NCKAP5: variants seen among roughly 807,000 people sequenced by gnomAD.
NCKAP5 encodes nck-associated protein 5.
A neutral mutation model predicts 167.0 loss-of-function variants in NCKAP5; 92 were observed. The observed-to-expected ratio is 0.55, with a 90% confidence interval of 0.47 to 0.66. The LOEUF is 0.66. Among genes scored for constraint, NCKAP5 ranks in the 30% least tolerant of loss-of-function variants. NCKAP5 has a pLI of 0.00. For synonymous variants in NCKAP5, 891 were observed against 877.4 expected (o/e 1.02, Z -0.27); for missense variants, 2,378 against 2,315.0 (o/e 1.03, Z -0.56).
chr2:133,146,893 A>T (rs999383159), intron 5 of NCKAP5, among the ~76,000 whole-genome samples: 1 of 152,156 alleles, frequency 6.6e-6, no homozygotes, highest in South Asian at 2.1e-4. Context: ...AAAAGAACTC[A>T]AGAAACAATT....
At chr2:133,428,451 C>A (rs1689950278) in intron 3 of NCKAP5, among the ~76,000 whole-genome samples, 1 of 152,052 alleles carries the variant, frequency 6.6e-6, no homozygotes, top group South Asian at 2.1e-4. Context: ...CATTAGAACC[C>A]TATTTTACAC....
chr2:133,560,105 A>G (rs1442615901), intron 1 of NCKAP5, among the ~76,000 whole-genome samples: 2 of 152,250 alleles, frequency 1.3e-5, no homozygotes, highest in African/African-American at 2.4e-5. Context: ...AGTTAGGTAT[A>G]AAACCCAATG....
chr2:133,272,620 T>C (rs371446134), intron 4 of NCKAP5, among the ~76,000 whole-genome samples: 2 of 152,154 alleles, frequency 1.3e-5, no homozygotes, highest in Non-Finnish European at 2.9e-5. Flanking sequence ...TTTACCCAAG[T>C]TGAATTTGTT....
intron 19 of NCKAP5, among the ~76,000 whole-genome samples, chr2:132,710,780 T>C (rs1688762002): frequency 6.6e-6 from 1 of 152,204 alleles, no homozygotes; most frequent in Non-Finnish European, 1.5e-5. Flanking sequence ...CCAACTGGTA[T>C]TATACTGAAT....
chr2:133,399,412 G>T (rs886521268), intron 3 of NCKAP5, among the ~76,000 whole-genome samples: 3 of 151,792 alleles, frequency 2.0e-5, no homozygotes. Flanking sequence ...ACATAAAACA[G>T]CTGTCATTAT....
rs138316939 is a variant in NCKAP5, at chr2:133,216,428, G to A, written c.144-2649C>T. On this transcript the variant is annotated intron_variant, in intron 4 of 19. Coordinates refer to ENST00000409261, the MANE Select transcript of NCKAP5 (RefSeq NM_207363.3). ...ACCAAAATAAATTACCTATGTGTTCGTAAGTATTGAGAAGAGATGTAGAGT... is the reference window on the plus strand; with the variant it reads ...ACCAAAATAAATTACCTATGTGTTCATAAGTATTGAGAAGAGATGTAGAGT... Among the ~76,000 whole-genome samples, 626 of 152,168 alleles carry A rather than the reference G, an allele frequency of 4.1e-3. 1 individual carries two copies. The highest frequency in any genetic ancestry group is 0.014 in the African/African-American group (591 of 41,542).
At chr2:133,431,979 T>A (rs1236940199) in intron 3 of NCKAP5, among the ~76,000 whole-genome samples, 28 of 152,170 alleles carry the variant, frequency 1.8e-4, no homozygotes, top group Admixed American at 1.8e-3. Context: ...AATAAATTTG[T>A]TTCTCTCTGA....
chr2:132,964,816 C>T (rs2076613840), intron 7 of NCKAP5, among the ~76,000 whole-genome samples: 2 of 151,736 alleles, frequency 1.3e-5, no homozygotes, highest in African/African-American at 4.8e-5. Context: ...TTTGCAAATA[C>T]AGAAGCACAA....
At chr2:133,236,207 A>G (rs1424373368) in intron 4 of NCKAP5, among the ~76,000 whole-genome samples, 1 of 152,074 alleles carries the variant, frequency 6.6e-6, no homozygotes, top group Non-Finnish European at 1.5e-5. Context: ...AATACATATT[A>G]AAAAGGAGTC....
intron 3 of NCKAP5, among the ~76,000 whole-genome samples, chr2:133,415,339 G>A (rs371004871): frequency 2.0e-5 from 3 of 152,244 alleles, no homozygotes; most frequent in Non-Finnish European, 4.4e-5. Flanking sequence ...CTACTGTATT[G>A]AAAGTAATGG....
chr2:132,732,400 G>A (rs936465285), intron 16 of NCKAP5, among the ~76,000 whole-genome samples: 5 of 152,044 alleles, frequency 3.3e-5, no homozygotes, highest in Non-Finnish European at 4.4e-5. Flanking sequence ...AAACCTGCAC[G>A]TTGTGCACAT....
At chr2:133,280,174 T>C (rs1559346924) in intron 4 of NCKAP5, among the ~76,000 whole-genome samples, 1 of 152,144 alleles carries the variant, frequency 6.6e-6, no homozygotes, top group East Asian at 1.9e-4. Context: ...AGTAATAACC[T>C]AAGTACAAAC....
intron 4 of NCKAP5, among the ~76,000 whole-genome samples, chr2:133,246,979 A>G (rs987957098): frequency 1.3e-5 from 2 of 152,206 alleles, no homozygotes; most frequent in African/African-American, 4.8e-5. Flanking sequence ...ATAACATGAA[A>G]TGAGGCTGGA....
intron 8 of NCKAP5, among the ~76,000 whole-genome samples, chr2:132,887,099 A>G (rs2148849299): frequency 6.6e-6 from 1 of 152,288 alleles, no homozygotes. Flanking sequence ...TTTTATCAAC[A>G]GTAAGTATCT....
chr2:132,773,029 ATG>A (rs1235553784), intron 16 of NCKAP5, among the ~76,000 whole-genome samples: 1 of 152,168 alleles, frequency 6.6e-6, no homozygotes, highest in Non-Finnish European at 1.5e-5. Context: ...CTACACCCAA[ATG>A]TGACTTGCGG....
intron 16 of NCKAP5, among the ~76,000 whole-genome samples, chr2:132,740,119 C>T (rs921482424): frequency 2.6e-5 from 4 of 152,178 alleles, no homozygotes; most frequent in African/African-American, 9.6e-5. Context: ...TTCATAAATC[C>T]CACAAAAATA....
chr2:133,276,634 T>G (rs1264398433), intron 4 of NCKAP5, among the ~76,000 whole-genome samples: 2 of 152,016 alleles, frequency 1.3e-5, no homozygotes, highest in African/African-American at 4.8e-5. Flanking sequence ...ACCACTCCAA[T>G]GCTCCACATT....
chr2:133,474,216 G>A (rs1679644118), intron 3 of NCKAP5, among the ~76,000 whole-genome samples: 1 of 151,512 alleles, frequency 6.6e-6, no homozygotes, highest in Non-Finnish European at 1.5e-5. Flanking sequence ...ATACTATTCA[G>A]CCATAAAAAG....
chr2:132,736,075 A>G (rs1471865478), intron 16 of NCKAP5, among the ~76,000 whole-genome samples: 2 of 152,166 alleles, frequency 1.3e-5, no homozygotes, highest in Non-Finnish European at 2.9e-5. Flanking sequence ...ATTCACTATT[A>G]AGGCCATTTT....
Sources: gnomAD v4.1 joint callset for allele counts (sites outside exome capture counted in the v4.1 genomes callset) on GRCh38, gnomAD v4.1.1 for gene constraint, MANE v1.5 for transcripts, NCBI Gene and HGNC (gene_info 2026-07-23, HGNC 2026-07-21) for gene names.